Variants in PLGRKT observed in about 807,000 individuals in gnomAD.
PLGRKT encodes the protein plasminogen receptor (KT).
In PLGRKT, 22 loss-of-function variants were observed where a neutral mutation model predicts 18.5. The ratio of observed to expected loss-of-function variants is 1.19; its 90% CI spans 0.85 to 1.70. The LOEUF is 1.70. Ranked by LOEUF, PLGRKT falls within the 40% of genes most tolerant of loss-of-function variation. The pLI is 0.00. For missense variants in PLGRKT, 235 were observed against 174.4 expected, an observed-to-expected ratio of 1.35 and a Z score of -1.96; for synonymous variants, 72 against 52.8, an observed-to-expected ratio of 1.36 and a Z score of -1.58.
chr9:5,428,062 C>A (rs931375666), intron 3 of PLGRKT, among the ~76,000 whole-genome samples: 1 of 152,074 alleles, frequency 6.6e-6, no homozygotes, highest in Non-Finnish European at 1.5e-5. Flanking sequence ...GCAAGCTCCA[C>A]GATCCAGCCA....
At chr9:5,399,752 G>A (rs1818120226) in intron 3 of PLGRKT, among the ~76,000 whole-genome samples, 1 of 151,758 alleles carries the variant, frequency 6.6e-6, no homozygotes, top group African/African-American at 2.4e-5. Context: ...AATTTGGGAG[G>A]CCGAGGTGGG....
intron 3 of PLGRKT, among the ~76,000 whole-genome samples, chr9:5,373,469 A>G (rs972417429): frequency 1.3e-5 from 2 of 152,218 alleles, no homozygotes; most frequent in Admixed American, 6.5e-5. Flanking sequence ...GCTCTGAACC[A>G]AGACCCTGGG....
intron 3 of PLGRKT, among the ~76,000 whole-genome samples, chr9:5,417,643 T>TA (rs1416714781): frequency 6.8e-6 from 1 of 146,740 alleles, no homozygotes; most frequent in East Asian, 2.0e-4. Context: ...GTATCCATAA[T>TA]ATGTAAAGTA....
chr9:5,432,768 G>T (rs1375253894), intron 2 of PLGRKT, among the ~76,000 whole-genome samples: 1 of 152,232 alleles, frequency 6.6e-6, no homozygotes, highest in Admixed American at 6.5e-5. Flanking sequence ...GAGGTGCTGG[G>T]ATTGCAGACG....
chr9:5,403,563 T>G (rs1818198184), intron 3 of PLGRKT, among the ~76,000 whole-genome samples: 1 of 152,220 alleles, frequency 6.6e-6, no homozygotes, highest in Non-Finnish European at 1.5e-5. Context: ...TTGAAGTGAT[T>G]CATACTTCAC....
intron 3 of PLGRKT, among the ~76,000 whole-genome samples, chr9:5,373,268 G>T (rs372040999): frequency 6.6e-6 from 1 of 152,070 alleles, no homozygotes; most frequent in Non-Finnish European, 1.5e-5. Flanking sequence ...TAATTTTAGC[G>T]ACTACCACTC....
Position 5,418,434 on chromosome 9 carries a change from G to A in PLGRKT, c.81+13463C>T. ...ACATGTTATGGAGCACGATGCTGAG[G>A]AGGAAGACCAAGACGCAAGCCACCA... On this transcript the variant is annotated intron_variant, in intron 3 of 5. Transcript: ENST00000223864. This position sits in a 1 kb window ranked among gnomAD's most constrained non-coding sequence, Gnocchi z 4.2. 7.6e-6 allele frequency: 7 copies of A among 922,278 alleles called. No homozygotes were observed. Among genetic ancestry groups the A allele is most frequent in the South Asian group, 3.9e-5 (3 of 77,330 alleles). The allele number at this position is 922,278 out of a possible 1,614,324, so 57.1% of individuals were successfully genotyped here. A position where few individuals can be genotyped will look rare whatever the true frequency, so the allele number is the denominator to read the frequency against.
chr9:5,429,065 T>C (rs1327471971), intron 3 of PLGRKT, among the ~76,000 whole-genome samples: 1 of 152,084 alleles, frequency 6.6e-6, no homozygotes, highest in Non-Finnish European at 1.5e-5. Flanking sequence ...GTAAGCAAAC[T>C]TCACAATGAG....
chr9:5,365,219 G>T (rs1272324185), intron 3 of PLGRKT, among the ~76,000 whole-genome samples: 1 of 152,114 alleles, frequency 6.6e-6, no homozygotes, highest in Admixed American at 6.6e-5. Context: ...TATAGTGCCA[G>T]AAAGTCAAGA....
Position 5,392,910 on chromosome 9 carries a change from C to T in PLGRKT, c.82-31022G>A, listed in dbSNP as rs577615167. On this transcript the variant is annotated intron_variant, in intron 3 of 5. Transcript: ENST00000223864. Reference sequence around the variant, plus strand: ...AGGCTGGAGTGCAGTGGTGCAGTCTCGGCTCACTGCAACCTCCACCTCCCA... The same window carrying T: ...AGGCTGGAGTGCAGTGGTGCAGTCTTGGCTCACTGCAACCTCCACCTCCCA... Among the ~76,000 whole-genome samples the T allele has an allele frequency of 4.3e-3, 650 of 151,734 alleles. 4 individuals carry two copies. Among genetic ancestry groups the T allele is most frequent in the Middle Eastern group, 6.8e-3 (2 of 294 alleles).
intron 2 of PLGRKT, among the ~76,000 whole-genome samples, chr9:5,433,153 C>A (rs1334614838): frequency 6.9e-6 from 1 of 144,880 alleles, no homozygotes; most frequent in Non-Finnish European, 1.5e-5. Flanking sequence ...CTGGCCGCCC[C>A]CTCTGGGAAG....
At chr9:5,397,470 TG>T (rs2131121991) in intron 3 of PLGRKT, among the ~76,000 whole-genome samples, 1 of 151,916 alleles carries the variant, frequency 6.6e-6, no homozygotes, top group South Asian at 2.1e-4. Flanking sequence ...AGTTCAATTC[TG>T]TATCCCAATC....
At chr9:5,433,595 G>A (rs1363505403) in intron 2 of PLGRKT, among the ~76,000 whole-genome samples, 25 of 138,046 alleles carry the variant, frequency 1.8e-4, no homozygotes, top group East Asian at 9.5e-4. Context: ...AGTGAGGAGC[G>A]TCTCTGCCTG....
At chr9:5,383,525 A>T (rs1374863500) in intron 3 of PLGRKT, among the ~76,000 whole-genome samples, 1 of 152,134 alleles carries the variant, frequency 6.6e-6, no homozygotes, top group African/African-American at 2.4e-5. Flanking sequence ...TTATTATTAC[A>T]TTGTAATATA....
Position 5,361,873 on chromosome 9 carries a change from T to C in PLGRKT, c.97A>G (p.Ile33Val), listed in dbSNP as rs763682799. Residue 33 changes from isoleucine to valine, a missense_variant, in exon 4 of 6, where the codon ATC (isoleucine) becomes GTC (valine). Physicochemically the swap from Ile to Val is conservative, Grantham distance 29. Transcript: ENST00000223864. ...CTTTCCCTCATTTCACTCTGCATGA[T>C]GAGCTGCCTTTCCAGCTAAGGACAA... ...NARLQLERQL[I>V]MQSEMRERQM... 8 of 1,612,904 alleles carry C rather than the reference T, an allele frequency of 5.0e-6. No homozygotes were observed. In the African/African-American group the frequency reaches 8.0e-5, roughly 16 times the overall value.
At chr9:5,381,222 A>C (rs1817738329) in intron 3 of PLGRKT, among the ~76,000 whole-genome samples, 1 of 152,234 alleles carries the variant, frequency 6.6e-6, no homozygotes, top group Non-Finnish European at 1.5e-5. Context: ...AAATGTCTCC[A>C]GGGCATTTCA....
Position 5,418,981 on chromosome 9 carries a change from G to C in PLGRKT, c.81+12916C>G. 1 of 655,340 alleles carries C rather than the reference G, an allele frequency of 1.5e-6. No homozygotes were observed. Among genetic ancestry groups the C allele is most frequent in the Non-Finnish European group, 2.5e-6 (1 of 395,716 alleles). The allele number at this position is 655,340 out of a possible 1,614,324, so 40.6% of individuals were successfully genotyped here. Reference sequence around the variant, plus strand: ...GTCCTGGGACAGCGTCTCCATGGTGGACCCTGAGCAGGAAGGGCAAGGCCA... The same window carrying C: ...GTCCTGGGACAGCGTCTCCATGGTGCACCCTGAGCAGGAAGGGCAAGGCCA... On this transcript the variant is annotated intron_variant, in intron 3 of 5. Transcript: ENST00000223864. The surrounding 1 kb of genome is among the most constrained non-coding windows in gnomAD (Gnocchi z 4.2).
intron 3 of PLGRKT, among the ~76,000 whole-genome samples, chr9:5,374,486 T>C (rs1460369109): frequency 6.6e-6 from 1 of 152,246 alleles, no homozygotes; most frequent in African/African-American, 2.4e-5. Context: ...AGGCTTTTCC[T>C]TGACCCCAGG....
chr9:5,399,643 G>A (rs1182952284), intron 3 of PLGRKT, among the ~76,000 whole-genome samples: 1 of 151,630 alleles, frequency 6.6e-6, no homozygotes, highest in Non-Finnish European at 1.5e-5. Context: ...GTATACTAAT[G>A]TCTTTGAATA....
Sources: allele counts gnomAD v4.1 joint callset (sites outside exome capture counted in the v4.1 genomes callset), GRCh38; gene constraint gnomAD v4.1.1; non-coding constraint Gnocchi (gnomAD v3.1); transcripts MANE v1.5; gene names NCBI Gene and HGNC (gene_info 2026-07-23, HGNC 2026-07-21).